Variants in ADAMTSL1 observed in about 807,000 individuals in gnomAD.
ADAMTSL1 encodes the protein ADAMTS-like protein 1.
ADAMTSL1 carries 126 observed loss-of-function variants against 201.8 expected under a neutral mutation model. The observed-to-expected ratio is 0.62, with a 90% CI of 0.54 to 0.72. The LOEUF (loss-of-function observed/expected upper bound fraction) is 0.72, where lower values mean the gene tolerates loss of function less well. ADAMTSL1 is among the 30% of genes least tolerant of loss of function. The pLI is 0.00. For missense variants in ADAMTSL1, 2,679 were observed against 2,277.8 expected, an observed-to-expected ratio of 1.18 and a Z score of -3.59; for synonymous variants, 1,121 against 903.4, an observed-to-expected ratio of 1.24 and a Z score of -4.32.
intron 2 of ADAMTSL1, among the ~76,000 whole-genome samples, chr9:18,178,178 G>C (rs373417155): frequency 6.6e-6 from 1 of 152,204 alleles, no homozygotes; most frequent in Non-Finnish European, 1.5e-5. Flanking sequence ...CGCACTGTGC[G>C]CGAGCCGAAG....
chr9:18,741,018 T>G (rs1024744448), intron 15 of ADAMTSL1, among the ~76,000 whole-genome samples: 16 of 152,270 alleles, frequency 1.1e-4, no homozygotes, highest in Non-Finnish European at 2.2e-4. Flanking sequence ...AGATTGTACT[T>G]ATCTGCTTCA....
intron 2 of ADAMTSL1, among the ~76,000 whole-genome samples, chr9:18,289,294 G>A (rs887334047): frequency 6.6e-6 from 1 of 152,122 alleles, no homozygotes; most frequent in African/African-American, 2.4e-5. Context: ...GGATACCCAG[G>A]AGAACTGATG....
intron 2 of ADAMTSL1, among the ~76,000 whole-genome samples, chr9:18,358,052 A>G (rs2133062148): frequency 6.6e-6 from 1 of 152,312 alleles, no homozygotes. Context: ...AATAGACCTA[A>G]ATAGTTCAAA....
chr9:18,379,916 G>GC (rs1465600964), intron 2 of ADAMTSL1, among the ~76,000 whole-genome samples: 1 of 152,116 alleles, frequency 6.6e-6, no homozygotes, highest in Non-Finnish European at 1.5e-5. Context: ...TTTCATTAAA[G>GC]CCCCCCTTCC....
At chr9:18,239,111 C>G (rs1217215260) in intron 2 of ADAMTSL1, among the ~76,000 whole-genome samples, 1 of 152,170 alleles carries the variant, frequency 6.6e-6, no homozygotes, top group Non-Finnish European at 1.5e-5. Context: ...TTCAGTGAGT[C>G]TTAATCTTTT....
At chr9:18,503,980 A>ATGTGTGTGTGTGTGTGTGTGTGTG (rs57749719) in intron 1 of ADAMTSL1, among the ~76,000 whole-genome samples, 4 of 148,042 alleles carry the variant, frequency 2.7e-5, no homozygotes, top group African/African-American at 9.9e-5. Context: ...ATGTGCATGC[A>ATGTGTGTGTGTGTGTGTGTGTGTG]TGTGTGTGTG....
intron 2 of ADAMTSL1, among the ~76,000 whole-genome samples, chr9:18,390,740 C>T (rs1445804539): frequency 1.3e-5 from 2 of 151,808 alleles, no homozygotes; most frequent in Admixed American, 6.6e-5. Context: ...AACGTTTTCT[C>T]GAGACACAAC....
chr9:18,019,727 A>T (rs900663592), intron 1 of ADAMTSL1, among the ~76,000 whole-genome samples: 1 of 152,284 alleles, frequency 6.6e-6, no homozygotes, highest in Middle Eastern at 3.4e-3. Context: ...GAACAGAGAC[A>T]GTATAGAATG....
At chr9:18,689,520 T>TA (rs947029912) in intron 13 of ADAMTSL1, among the ~76,000 whole-genome samples, 62 of 151,614 alleles carry the variant, frequency 4.1e-4, no homozygotes, top group Admixed American at 2.2e-3. Flanking sequence ...TCATATTTTT[T>TA]AAAAAAAAGG....
At chr9:18,188,721 G>C (rs1828845742) in intron 2 of ADAMTSL1, among the ~76,000 whole-genome samples, 1 of 152,112 alleles carries the variant, frequency 6.6e-6, no homozygotes, top group Non-Finnish European at 1.5e-5. Context: ...ACCCTCCTTG[G>C]TGCTTTCACT....
At chr9:18,103,276 G>A (rs1311630567) in intron 1 of ADAMTSL1, among the ~76,000 whole-genome samples, 2 of 152,142 alleles carry the variant, frequency 1.3e-5, no homozygotes, top group African/African-American at 4.8e-5. Context: ...GACTAGGCCA[G>A]CTGATGAGTT....
intron 19 of ADAMTSL1, among the ~76,000 whole-genome samples, chr9:18,780,018 A>T (rs924091917): frequency 6.6e-6 from 1 of 152,230 alleles, no homozygotes; most frequent in African/African-American, 2.4e-5. Context: ...AGACAGGGCA[A>T]TGGGAAGGGG....
chr9:17,940,810 C>G (rs1827209522), intron 1 of ADAMTSL1, among the ~76,000 whole-genome samples: 2 of 64,462 alleles, frequency 3.1e-5, no homozygotes, highest in African/African-American at 1.1e-4. Flanking sequence ...ACACCCCCCC[C>G]CCAAAAAAAA....
chr9:18,687,601 C>G (rs923213716), intron 13 of ADAMTSL1, among the ~76,000 whole-genome samples: 3 of 152,188 alleles, frequency 2.0e-5, no homozygotes, highest in Admixed American at 6.5e-5. Context: ...AAAATATTAT[C>G]ACCAGCCTAT....
rs760460457 is a variant in ADAMTSL1, at chr9:18,775,758, G to T, written c.2413G>T (p.Gly805Trp). 1.2e-6 allele frequency: 2 copies of T among 1,612,960 alleles called. No homozygotes were observed. The highest frequency in any genetic ancestry group is 2.2e-5 in the East Asian group (1 of 44,868). The change falls in exon 18 of 29, where the codon GGG becomes TGG. Residue 805 changes from glycine to tryptophan, a missense_variant. Physicochemically the swap from Gly to Trp is radical, Grantham distance 184. Transcript: ENST00000380548. ...TCTCCACCAGTGTTCCACAAGCTGCGGGGAAGGCACCCAGACTCGAAGCGC... is the reference window on the plus strand; with the variant it reads ...TCTCCACCAGTGTTCCACAAGCTGCTGGGAAGGCACCCAGACTCGAAGCGC... The part of the protein sequence containing the change: ...SDWTECSTSC[G>W]EGTQTRSAIC...
At chr9:18,052,502 G>A (rs930812584) in intron 1 of ADAMTSL1, among the ~76,000 whole-genome samples, 5 of 152,152 alleles carry the variant, frequency 3.3e-5, no homozygotes, top group African/African-American at 1.2e-4. Context: ...CGAATTTGCT[G>A]CTATTAAGAG....
At position 18,910,432 on chromosome 9, in the gene ADAMTSL1, A is replaced by AAACTC. The variant is rs1445696426; in HGVS notation, c.*1886_*1890dup. ...TAACTTCCTGCAGTTGTGTTCCTGTAAACTCAGTAGTGATTATTATATTTT... is the reference window on the plus strand; with the variant it reads ...TAACTTCCTGCAGTTGTGTTCCTGTAAACTCAACTCAGTAGTGATTATTATATTTT... On this transcript the variant is annotated 3_prime_UTR_variant, in exon 29 of 29. Transcript: ENST00000380548. 1 of 152,192 alleles carries AAACTC rather than the reference A, an allele frequency of 6.6e-6. No individual in the cohort carries two copies. Among genetic ancestry groups the AAACTC allele is most frequent in the Admixed American group, 6.5e-5 (1 of 15,276 alleles). 9.4% of individuals were successfully genotyped at this position (152,192 alleles called of 1,614,324 possible).
At chr9:18,213,674 C>T (rs1308019656) in intron 2 of ADAMTSL1, among the ~76,000 whole-genome samples, 1 of 152,292 alleles carries the variant, frequency 6.6e-6, no homozygotes, top group Non-Finnish European at 1.5e-5. Context: ...CAAGATAGCA[C>T]ATACGGAAAC....
At chr9:18,333,001 T>C (rs1047144410) in intron 2 of ADAMTSL1, among the ~76,000 whole-genome samples, 2 of 152,196 alleles carry the variant, frequency 1.3e-5, no homozygotes, top group Non-Finnish European at 2.9e-5. Flanking sequence ...TGTTGGCACC[T>C]AGCAGGCATT....
Sources: gnomAD v4.1 joint callset for allele counts (sites outside exome capture counted in the v4.1 genomes callset) on GRCh38, gnomAD v4.1.1 for gene constraint, MANE v1.5 for transcripts, NCBI Gene and HGNC (gene_info 2026-07-23, HGNC 2026-07-21) for gene names.